The following MYO1E variants were observed in gnomAD, a reference collection of about 807,000 sequenced individuals.
The protein encoded by MYO1E is myosin IE, also known as unconventional myosin-Ie.
Under a neutral mutation model 151.1 loss-of-function variants are expected in MYO1E, and 68 were observed. That is an observed-to-expected ratio of 0.45 (90% CI 0.37 to 0.55). The LOEUF (loss-of-function observed/expected upper bound fraction) is 0.55, where lower values mean the gene tolerates loss of function less well. Among genes scored for constraint, MYO1E ranks in the 20% least tolerant of loss-of-function variants. MYO1E has a pLI of 0.00. For synonymous variants in MYO1E, 601 were observed against 501.7 expected, an observed-to-expected ratio of 1.20 and a Z score of -2.64; for missense variants, 1,363 against 1,389.3, an observed-to-expected ratio of 0.98 and a Z score of 0.30.
At position 59,223,207 on chromosome 15, in the gene MYO1E, G is replaced by C; in HGVS notation, c.778-16C>G. The C allele has an allele frequency of 1.2e-6, 2 of 1,610,534 alleles. No homozygotes were observed. ...TCATGGCGTGCTGGAAGAGAAAAGAGAAACTATCCAGAGAAGCTGGTCACC... is the reference window on the plus strand; with the variant it reads ...TCATGGCGTGCTGGAAGAGAAAAGACAAACTATCCAGAGAAGCTGGTCACC... On this transcript the variant is annotated splice_polypyrimidine_tract_variant and intron_variant, in intron 8 of 27. Coordinates refer to ENST00000288235, the MANE Select transcript of MYO1E (RefSeq NM_004998.4).
chr15:59,333,678 T>C (rs868810951), intron 1 of MYO1E, among the ~76,000 whole-genome samples: 4 of 152,222 alleles, frequency 2.6e-5, no homozygotes, highest in African/African-American at 9.6e-5. Context: ...ATGGACTTCC[T>C]ACTTCTTTCT....
At chr15:59,336,064 T>C (rs1485666777) in intron 1 of MYO1E, among the ~76,000 whole-genome samples, 1 of 151,174 alleles carries the variant, frequency 6.6e-6, no homozygotes, top group African/African-American at 2.4e-5. Flanking sequence ...ATCTTGAAAC[T>C]TTTTCTGGAA....
chr15:59,149,797 TA>T (rs2079465563), intron 26 of MYO1E, among the ~76,000 whole-genome samples: 1 of 152,364 alleles, frequency 6.6e-6, no homozygotes, highest in East Asian at 1.9e-4. Flanking sequence ...AAGACCATAG[TA>T]ATCCTACTTT....
intron 1 of MYO1E, among the ~76,000 whole-genome samples, chr15:59,324,780 C>T (rs28672759): frequency 0.021 from 3,140 of 151,978 alleles, 99 homozygotes; most frequent in African/African-American, 0.07. Context: ...AAAATTGAGC[C>T]TTATGTCCTA....
In MYO1E at chr15:59,219,449, C is replaced by A. The variant is rs534031091; in HGVS notation, c.911-1362G>T. 6.8e-4 allele frequency among the ~76,000 whole-genome samples: 103 copies of A among 152,266 alleles called. 1 individual carries two copies. Among genetic ancestry groups the A allele is most frequent in the African/African-American group, 2.5e-3 (102 of 41,556 alleles). On this transcript the variant is annotated intron_variant, in intron 9 of 27. Coordinates refer to ENST00000288235, the MANE Select transcript of MYO1E (RefSeq NM_004998.4). ...TATGATAATGCTAAAAAATCACAAG[C>A]CTCCCAATAAAGGATAATCTGTTTG...
chr15:59,151,043 ACACAC>A (rs775930254), intron 26 of MYO1E, among the ~76,000 whole-genome samples: 18 of 87,980 alleles, frequency 2.0e-4, no homozygotes, highest in Admixed American at 1.7e-3. Context: ...ACACACACAC[ACACAC>A]ACGCGCGCGC....
intron 1 of MYO1E, among the ~76,000 whole-genome samples, chr15:59,330,469 A>C (rs1166161675): frequency 2.0e-5 from 3 of 152,258 alleles, no homozygotes; most frequent in African/African-American, 7.2e-5. Context: ...CAATTACTTG[A>C]AAAAGTAAAT....
chr15:59,249,423 C>CAA (rs5812966), intron 4 of MYO1E, among the ~76,000 whole-genome samples: 64,553 of 132,674 alleles, frequency 0.49, 17,477 homozygotes, highest in Non-Finnish European at 0.62. Context: ...GACTCTGTCT[C>CAA]AAAAAAAAAA....
At chr15:59,191,130 CTAAGAT>C (rs2079730342) in intron 17 of MYO1E, among the ~76,000 whole-genome samples, 1 of 152,068 alleles carries the variant, frequency 6.6e-6, no homozygotes. Flanking sequence ...GTTGATTCCT[CTAAGAT>C]TATTAACTTT....
At chr15:59,304,086 G>C (rs1304129581) in intron 1 of MYO1E, among the ~76,000 whole-genome samples, 2 of 150,712 alleles carry the variant, frequency 1.3e-5, no homozygotes, top group African/African-American at 4.9e-5. Context: ...GGGTTCAAGC[G>C]ATTCTCCTGC....
At chr15:59,305,497 T>C (rs12050639) in intron 1 of MYO1E, among the ~76,000 whole-genome samples, 10,807 of 152,194 alleles carry the variant, frequency 0.071, 839 homozygotes, top group East Asian at 0.39. Context: ...GCCCAGCCTA[T>C]TCCACAGTAA....
chr15:59,330,225 A>G (rs2080689974), intron 1 of MYO1E, among the ~76,000 whole-genome samples: 1 of 152,136 alleles, frequency 6.6e-6, no homozygotes, highest in Non-Finnish European at 1.5e-5. Flanking sequence ...TTTAAGGTTA[A>G]GAATCAAAGT....
At chr15:59,286,700 C>T (rs901405717) in intron 1 of MYO1E, among the ~76,000 whole-genome samples, 3 of 152,178 alleles carry the variant, frequency 2.0e-5, no homozygotes, top group South Asian at 4.1e-4. Context: ...CACTAGCCAA[C>T]GCTGAACCAA....
intron 4 of MYO1E, among the ~76,000 whole-genome samples, chr15:59,244,248 A>T (rs1157732780): frequency 1.3e-5 from 2 of 152,244 alleles, no homozygotes; most frequent in Non-Finnish European, 2.9e-5. Flanking sequence ...CCCCATGGCA[A>T]TGCTCATCTT....
At chr15:59,372,350 A>G (rs891905470) in intron 1 of MYO1E, 148 bp downstream of exon 1, 2 of 969,254 alleles carry the variant, frequency 2.1e-6, no homozygotes, top group East Asian at 2.7e-5. Flanking sequence ...GGAAAGCGGC[A>G]GGAAATCAGA....
rs398027512 is a variant in MYO1E at position 59,268,720 on chromosome 15, A to ATTTTTTTTTTT, written c.147+3575_147+3585dup. On this transcript the variant is annotated intron_variant, in intron 2 of 27. Coordinates refer to ENST00000288235, the MANE Select transcript of MYO1E (RefSeq NM_004998.4). ...GTGATGGGTTCTGGGTGACTTTGGT[A>ATTTTTTTTTTT]TTTTTTTTTTTTTTTTTTTTTGCTT... is the stretch of plus-strand genomic sequence containing the variant. Among the ~76,000 whole-genome samples the ATTTTTTTTTTT allele has an allele frequency of 5.9e-3, 267 of 44,886 alleles. 59 individuals are homozygous for ATTTTTTTTTTT. Among genetic ancestry groups the ATTTTTTTTTTT allele is most frequent in the African/African-American group, 0.011 (181 of 17,220 alleles). 29.4% of individuals were successfully genotyped at this position (44,886 alleles called of 152,430 possible).
chr15:59,140,615 C>G (rs980250555), intron 26 of MYO1E, among the ~76,000 whole-genome samples: 1 of 152,214 alleles, frequency 6.6e-6, no homozygotes, highest in Non-Finnish European at 1.5e-5. Context: ...GGCCTGAGTT[C>G]TGGAAAGAAC....
Position 59,174,176 on chromosome 15 carries a change from G to A in MYO1E, c.2114C>T (p.Ser705Leu). ...YDGYARVIQKSWRKFVARKKY... is the reference protein window; with the variant it reads ...YDGYARVIQKLWRKFVARKKY... ...CTTCCGGGCCACGAATTTCCTCCAT[G>A]ATTTCTGTATCACTCGAGCATACCC... The change falls in exon 20 of 28, where the codon TCA becomes TTA. Residue 705 changes from serine (S) to leucine (L), a missense_variant. By Grantham distance (145) the Ser-to-Leu change is moderately radical. Coordinates refer to ENST00000288235, the MANE Select transcript of MYO1E (RefSeq NM_004998.4). 1 of 1,614,050 alleles carries A rather than the reference G, an allele frequency of 6.2e-7. No individual in the cohort carries two copies. Among genetic ancestry groups the A allele is most frequent in the Non-Finnish European group, 8.5e-7 (1 of 1,179,996 alleles).
intron 1 of MYO1E, among the ~76,000 whole-genome samples, chr15:59,290,358 C>T (rs777358341): frequency 5.3e-5 from 8 of 152,168 alleles, no homozygotes; most frequent in South Asian, 4.1e-4. Flanking sequence ...ACCTTGGCTA[C>T]GGAACAGAGC....
Sources: gnomAD v4.1 joint callset for allele counts (sites outside exome capture counted in the v4.1 genomes callset) on GRCh38, gnomAD v4.1.1 for gene constraint, MANE v1.5 for transcripts, NCBI Gene and HGNC (gene_info 2026-07-23, HGNC 2026-07-21) for gene names.